Variants in COX7B2 observed in about 807,000 individuals in gnomAD.
COX7B2 encodes cytochrome c oxidase subunit 7B2, mitochondrial.
For missense variants in COX7B2, 109 were observed against 95.9 expected (o/e 1.14, Z -0.57); for synonymous variants, 37 against 32.1 (o/e 1.15, Z -0.51).
intron 2 of COX7B2, among the ~76,000 whole-genome samples, chr4:46,805,083 C>T (rs1389548597): frequency 2.0e-5 from 3 of 152,180 alleles, no homozygotes; most frequent in African/African-American, 4.8e-5. Context: ...CCAGCCACTC[C>T]GAGTGCAGGA....
In COX7B2 at chr4:46,757,510, C is replaced by T. The variant is rs188958918; in HGVS notation, c.-49-22269G>A. 1.8e-4 allele frequency among the ~76,000 whole-genome samples: 27 copies of T among 152,198 alleles called. 1 individual carries two copies. The highest frequency in any genetic ancestry group is 1.1e-3 in the Admixed American group (17 of 15,262). On this transcript the variant is annotated intron_variant, in intron 2 of 2. Transcript: ENST00000355591. ...ACTTGTCACTTCTCTGCTCTGCTAA[C>T]GCCCAAAACACTGCCCTTTTGCAAG... is the stretch of plus-strand genomic sequence containing the variant.
chr4:46,841,704 T>C (rs773888688), intron 2 of COX7B2, among the ~76,000 whole-genome samples: 16 of 151,878 alleles, frequency 1.1e-4, no homozygotes, highest in Non-Finnish European at 5.9e-5. Context: ...ACCAAGGAAA[T>C]AATATGCAGC....
chr4:46,754,675 G>T (rs1438096062), intron 2 of COX7B2, among the ~76,000 whole-genome samples: 1 of 129,396 alleles, frequency 7.7e-6, no homozygotes, highest in Non-Finnish European at 1.6e-5. Context: ...ATGTACCCTA[G>T]AACTTAAAGT....
chr4:46,736,834 C>T (rs1229440116), intron 2 of COX7B2, among the ~76,000 whole-genome samples: 1 of 152,078 alleles, frequency 6.6e-6, no homozygotes, highest in African/African-American at 2.4e-5. Context: ...TCTGGATGCA[C>T]CACAATTTAT....
At chr4:46,823,638 A>G (rs975607809) in intron 2 of COX7B2, among the ~76,000 whole-genome samples, 1 of 151,690 alleles carries the variant, frequency 6.6e-6, no homozygotes, top group Non-Finnish European at 1.5e-5. Context: ...TATATCATTA[A>G]TTGCTTACAT....
intron 1 of COX7B2, among the ~76,000 whole-genome samples, chr4:46,852,785 T>C (rs1187323264): frequency 6.6e-6 from 1 of 152,144 alleles, no homozygotes; most frequent in Admixed American, 6.6e-5. Flanking sequence ...TTTGCCATCT[T>C]GTTTCAGTTC....
intron 1 of COX7B2, among the ~76,000 whole-genome samples, chr4:46,851,958 A>G (rs1307339178): frequency 6.6e-6 from 1 of 152,080 alleles, no homozygotes; most frequent in Non-Finnish European, 1.5e-5. Context: ...TTCTTTTTGT[A>G]GTTGGTAAGT....
intron 2 of COX7B2, among the ~76,000 whole-genome samples, chr4:46,833,563 C>G (rs1462536827): frequency 6.6e-6 from 1 of 151,952 alleles, no homozygotes; most frequent in Non-Finnish European, 1.5e-5. Context: ...CTCAGAGAAA[C>G]TCAATGAAAA....
intron 1 of COX7B2, among the ~76,000 whole-genome samples, chr4:46,845,370 T>C (rs922101028): frequency 6.6e-6 from 1 of 151,924 alleles, no homozygotes; most frequent in Non-Finnish European, 1.5e-5. Context: ...GGCCAAGGTT[T>C]GCCTAATATG....
At chr4:46,906,095 C>T (rs892358649) in intron 1 of COX7B2, among the ~76,000 whole-genome samples, 3 of 152,006 alleles carry the variant, frequency 2.0e-5, no homozygotes, top group Non-Finnish European at 4.4e-5. Context: ...TCCCAAAGTG[C>T]TGGGGTTACA....
intron 2 of COX7B2, among the ~76,000 whole-genome samples, chr4:46,830,324 CAAA>C (rs201868075): frequency 1.1e-4 from 9 of 82,132 alleles, no homozygotes; most frequent in Non-Finnish European, 1.5e-4. Context: ...ACTCTGTCTC[CAAA>C]AAAAAAAAAA....
intron 1 of COX7B2, among the ~76,000 whole-genome samples, chr4:46,876,401 T>C (rs1175501544): frequency 6.7e-6 from 1 of 149,864 alleles, no homozygotes; most frequent in Non-Finnish European, 1.5e-5. Context: ...TCCGTCCTAT[T>C]GTCTTTTTTT....
In COX7B2 at chr4:46,741,537, C is replaced by A. The variant is rs1577646750; in HGVS notation, c.-49-6296G>T. On this transcript the variant is annotated intron_variant, in intron 2 of 2. Transcript: ENST00000355591. ...TATCACTTCTCCGCCATGAATGACA[C>A]CATTCTATACAATAGAGAAGGCAAC... Among the ~76,000 whole-genome samples the A allele has an allele frequency of 2.6e-5, 4 of 152,080 alleles. No homozygotes were observed. The South Asian group carries it at 8.3e-4, about 32-fold the overall frequency.
intron 2 of COX7B2, among the ~76,000 whole-genome samples, chr4:46,840,636 C>A (rs1040700805): frequency 6.6e-6 from 1 of 152,000 alleles, no homozygotes. Context: ...TCTAATACAA[C>A]GTCTTTATAT....
At chr4:46,864,705 C>A (rs1449979358) in intron 1 of COX7B2, among the ~76,000 whole-genome samples, 1 of 151,612 alleles carries the variant, frequency 6.6e-6, no homozygotes, top group East Asian at 2.0e-4. Context: ...AGTGCAGTGG[C>A]GCGATCTAGG....
intron 2 of COX7B2, among the ~76,000 whole-genome samples, chr4:46,790,998 TTTTG>T (rs1423166370): frequency 1.3e-5 from 2 of 152,056 alleles, no homozygotes; most frequent in East Asian, 3.9e-4. Flanking sequence ...TAACCCAGAT[TTTTG>T]TTTGTCTGTC....
intron 1 of COX7B2, among the ~76,000 whole-genome samples, 199 bp downstream of exon 1, chr4:46,908,961 G>A (rs773384826): frequency 2.0e-5 from 3 of 151,666 alleles, no homozygotes; most frequent in Non-Finnish European, 2.9e-5. Flanking sequence ...GGAGAATGGC[G>A]TGAACCCGGG....
At chr4:46,775,803 C>T (rs987615900) in intron 2 of COX7B2, among the ~76,000 whole-genome samples, 1 of 151,916 alleles carries the variant, frequency 6.6e-6, no homozygotes, top group African/African-American at 2.4e-5. Flanking sequence ...TAAAGCTTAT[C>T]GTATCGTATA....
At chr4:46,742,174 A>C (rs1714755562) in intron 2 of COX7B2, among the ~76,000 whole-genome samples, 1 of 152,156 alleles carries the variant, frequency 6.6e-6, no homozygotes, top group African/African-American at 2.4e-5. Flanking sequence ...CATTAAAAGC[A>C]TTAGTAATAC....
Sources: allele counts gnomAD v4.1 joint callset (sites outside exome capture counted in the v4.1 genomes callset), GRCh38; gene constraint gnomAD v4.1.1; transcripts MANE v1.5; gene names NCBI Gene and HGNC (gene_info 2026-07-23, HGNC 2026-07-21).